PATJ: variants seen among roughly 807,000 people sequenced by gnomAD.
The protein encoded by PATJ is PATJ crumbs cell polarity complex component.
PATJ carries 190 observed loss-of-function variants against 224.9 expected under a neutral mutation model. The ratio of observed to expected loss-of-function variants is 0.84; its 90% CI spans 0.75 to 0.95. The LOEUF is 0.95. Ranked by LOEUF, PATJ falls within the 40% of genes least tolerant of loss-of-function variation. The probability of loss-of-function intolerance (pLI) is 0.00; values close to 1 mark genes in which losing one functional copy is unlikely to be tolerated. For synonymous variants in PATJ, 769 were observed against 820.3 expected (o/e 0.94, Z 1.07); for missense variants, 2,121 against 2,270.3 (o/e 0.93, Z 1.34).
intron 27 of PATJ, among the ~76,000 whole-genome samples, chr1:61,967,505 T>C (rs1312023098): frequency 1.3e-5 from 2 of 152,192 alleles, no homozygotes; most frequent in African/African-American, 4.8e-5. Flanking sequence ...CATCTTACCT[T>C]TTAAGGAAAT....
Position 62,062,392 on chromosome 1 carries a change from C to CTTTTTTTTTTTTTTTTTTTTTTTTTTT in PATJ, c.4125+11335_4125+11361dup, listed in dbSNP as rs60747316. ...TGGTTGGCTGCTTCTATGTTGTCTTCTTTTTTTTTTTTTTTTTTTTTTTTT... is the reference window on the plus strand; with the variant it reads ...TGGTTGGCTGCTTCTATGTTGTCTTCTTTTTTTTTTTTTTTTTTTTTTTTTTTTTTTTTTTTTTTTTTTTTTTTTTTT... On this transcript the variant is annotated intron_variant, in intron 31 of 43. Coordinates refer to ENST00000642238, the MANE Select transcript of PATJ (RefSeq NM_001350145.3). Among the ~76,000 whole-genome samples the CTTTTTTTTTTTTTTTTTTTTTTTTTTT allele has an allele frequency of 9.1e-4, 26 of 28,482 alleles. 5 individuals carry two copies. Among genetic ancestry groups the CTTTTTTTTTTTTTTTTTTTTTTTTTTT allele is most frequent in the African/African-American group, 1.1e-3 (7 of 6,296 alleles). 18.7% of individuals were successfully genotyped at this position (28,482 alleles called of 152,430 possible).
chr1:62,000,691 A>G (rs1297788988), intron 28 of PATJ, among the ~76,000 whole-genome samples: 4 of 150,846 alleles, frequency 2.7e-5, no homozygotes, highest in Non-Finnish European at 5.9e-5. Flanking sequence ...AGCATGATTT[A>G]TAGTCCTTTG....
At chr1:61,808,617 A>C in intron 14 of PATJ, 87 bp downstream of exon 14, 17 of 813,272 alleles carry the variant, frequency 2.1e-5, no homozygotes, top group Non-Finnish European at 3.1e-5. Flanking sequence ...TCTCAAACTC[A>C]TAGGCTAAAG....
In PATJ at chr1:62,029,086, C is replaced by T. The variant is rs571113886; in HGVS notation, c.3960-8891C>T. On this transcript the variant is annotated intron_variant, in intron 29 of 43. Transcript: ENST00000642238. Reference sequence around the variant, plus strand: ...TGCCAGTACCACACTGTTTTGATTACCGTAGCTTTGCAGTAGGTTTGAACA... The same window carrying T: ...TGCCAGTACCACACTGTTTTGATTATCGTAGCTTTGCAGTAGGTTTGAACA... Among the ~76,000 whole-genome samples the T allele has an allele frequency of 5.9e-5, 9 of 152,238 alleles. No homozygotes were observed. The South Asian group carries it at 1.9e-3, about 32-fold the overall frequency.
intron 28 of PATJ, among the ~76,000 whole-genome samples, chr1:61,997,741 A>G (rs981435387): frequency 6.6e-6 from 1 of 151,318 alleles, no homozygotes; most frequent in African/African-American, 2.4e-5. Context: ...CTCACAATAC[A>G]ATTCCATGCT....
At chr1:62,112,222 G>C (rs1455038159) in intron 34 of PATJ, among the ~76,000 whole-genome samples, 3 of 152,028 alleles carry the variant, frequency 2.0e-5, no homozygotes, top group African/African-American at 7.2e-5. Flanking sequence ...AAAAGCCTTG[G>C]GGGCCGGGTG....
chr1:61,843,829 A>G (rs61770141), intron 17 of PATJ, among the ~76,000 whole-genome samples: 19,001 of 152,212 alleles, frequency 0.12, 1,311 homozygotes, highest in South Asian at 0.25. Context: ...GAAGATTTTC[A>G]AAGATAGAAT....
rs1304035989 is a variant in PATJ, at chr1:62,163,579, T to C, written c.*2525T>C. On this transcript the variant is annotated 3_prime_UTR_variant, in exon 44 of 44. Transcript: ENST00000642238. ...TAAAAGTATATTGATGAAGGAATTATGATGCTTTATACTTCTTACTGCACT... is the reference window on the plus strand; with the variant it reads ...TAAAAGTATATTGATGAAGGAATTACGATGCTTTATACTTCTTACTGCACT... 1 of 152,662 alleles carries C rather than the reference T, an allele frequency of 6.6e-6. No homozygotes were observed. Among genetic ancestry groups the C allele is most frequent in the Non-Finnish European group, 1.5e-5 (1 of 68,042 alleles). 9.5% of individuals were successfully genotyped at this position (152,662 alleles called of 1,614,324 possible).
chr1:61,998,041 A>ATTATATATAAT (rs1645517119), intron 28 of PATJ, among the ~76,000 whole-genome samples: 1 of 124,662 alleles, frequency 8.0e-6, no homozygotes, highest in African/African-American at 3.2e-5. Context: ...TTATATATTT[A>ATTATATATAAT]TTATATATAT....
intron 26 of PATJ, among the ~76,000 whole-genome samples, chr1:61,922,986 C>T (rs1048739358): frequency 1.6e-4 from 25 of 152,294 alleles, no homozygotes; most frequent in Admixed American, 5.9e-4. Context: ...CACATAAGAT[C>T]CCAGGAAAGA....
rs60747316 is a variant in PATJ at position 62,062,392 on chromosome 1, C to CTT, written c.4125+11360_4125+11361dup. ...TGGTTGGCTGCTTCTATGTTGTCTTCTTTTTTTTTTTTTTTTTTTTTTTTT... is the reference window on the plus strand; with the variant it reads ...TGGTTGGCTGCTTCTATGTTGTCTTCTTTTTTTTTTTTTTTTTTTTTTTTTTT... On this transcript the variant is annotated intron_variant, in intron 31 of 43. Transcript: ENST00000642238. Among the ~76,000 whole-genome samples the CTT allele has an allele frequency of 9.1e-3, 258 of 28,426 alleles. 24 individuals carry two copies. The highest frequency in any genetic ancestry group is 0.034 in the South Asian group (20 of 596). The allele number at this position is 28,426 out of a possible 152,430, so 18.6% of individuals were successfully genotyped here. A position where few individuals can be genotyped will look rare whatever the true frequency, so the allele number is the denominator to read the frequency against.
intron 41 of PATJ, among the ~76,000 whole-genome samples, chr1:62,131,994 A>G (rs764613497): frequency 1.3e-5 from 2 of 151,908 alleles, no homozygotes; most frequent in Non-Finnish European, 1.5e-5. Flanking sequence ...GACTACAAGC[A>G]TGCACCACCA....
chr1:62,094,301 A>G (rs961334954), intron 33 of PATJ, among the ~76,000 whole-genome samples: 4 of 152,166 alleles, frequency 2.6e-5, no homozygotes, highest in African/African-American at 7.2e-5. Context: ...AGGCTAAGCA[A>G]GAGGATTGTC....
Position 62,161,325 on chromosome 1 carries a change from C to A in PATJ, c.*271C>A. On this transcript the variant is annotated 3_prime_UTR_variant, in exon 44 of 44. Coordinates refer to ENST00000642238, the MANE Select transcript of PATJ (RefSeq NM_001350145.3). ...TGTTTTGCATTTAATTTCAGTGTTC[C>A]GATTTCTTTTTTTTTTTTTTTTTTT... The A allele has an allele frequency of 1.2e-5, 3 of 251,406 alleles. No homozygotes were observed. Among genetic ancestry groups the A allele is most frequent in the Middle Eastern group, 1.2e-3 (1 of 822 alleles). The allele number at this position is 251,406 out of a possible 1,614,324, so 15.6% of individuals were successfully genotyped here.
chr1:61,837,773 G>A (rs1437143633), intron 17 of PATJ, among the ~76,000 whole-genome samples: 1 of 131,874 alleles, frequency 7.6e-6, no homozygotes, highest in Non-Finnish European at 1.6e-5. Context: ...CTGGGAGACA[G>A]AGTGAGACTC....
intron 37 of PATJ, among the ~76,000 whole-genome samples, chr1:62,118,802 G>A (rs1486678489): frequency 6.6e-6 from 1 of 151,888 alleles, no homozygotes; most frequent in African/African-American, 2.4e-5. Flanking sequence ...GCTAATTTTT[G>A]TATTTTTAGT....
chr1:61,854,870 T>C (rs1251392411), intron 17 of PATJ, among the ~76,000 whole-genome samples: 3 of 152,352 alleles, frequency 2.0e-5, no homozygotes, highest in Middle Eastern at 3.4e-3. Flanking sequence ...CGGTGTTTAA[T>C]ATCAAGAAAT....
At chr1:61,984,164 A>ATTT (rs779439336) in intron 27 of PATJ, among the ~76,000 whole-genome samples, 14,207 of 131,944 alleles carry the variant, frequency 0.11, 1,008 homozygotes, top group Non-Finnish European at 0.15. Context: ...TATTATTATT[A>ATTT]TTTTTTTTTT....
At position 61,961,932 on chromosome 1, in the gene PATJ, G is replaced by A. The variant is rs3123367; in HGVS notation, c.3671-28236G>A. ...TGCAGTGAGCCGAGATCACGCCATC[G>A]CACTCCAGCCTGGGCGACAAGAATG... is the stretch of plus-strand genomic sequence containing the variant. On this transcript the variant is annotated intron_variant, in intron 27 of 43. Transcript: ENST00000642238. 3.7e-3 allele frequency among the ~76,000 whole-genome samples: 532 copies of A among 145,426 alleles called. 3 individuals carry two copies. Among genetic ancestry groups the A allele is most frequent in the African/African-American group, 0.013 (494 of 39,168 alleles).
Sources: gnomAD v4.1 joint callset for allele counts (sites outside exome capture counted in the v4.1 genomes callset) on GRCh38, gnomAD v4.1.1 for gene constraint, MANE v1.5 for transcripts, NCBI Gene and HGNC (gene_info 2026-07-23, HGNC 2026-07-21) for gene names.